The following ELF5 variants were observed in gnomAD, a reference collection of about 807,000 sequenced individuals.
ELF5 encodes ETS-related transcription factor Elf-5.
ELF5 carries 31 observed loss-of-function variants against 38.2 expected under a neutral mutation model. That is an observed-to-expected ratio of 0.81 (90% CI 0.61 to 1.10). ELF5 has a LOEUF of 1.10. ELF5 is among the 50% of genes least tolerant of loss of function. ELF5 has a pLI of 0.00. For synonymous variants in ELF5, 121 were observed against 112.5 expected (o/e 1.08, Z -0.48); for missense variants, 300 against 306.6 (o/e 0.98, Z 0.16).
intron 4 of ELF5, 119 bp downstream of exon 4, chr11:34,489,890 C>T: frequency 8.1e-7 from 1 of 1,236,592 alleles, no homozygotes; most frequent in Non-Finnish European, 1.2e-6. Flanking sequence ...ACTGCTTTCT[C>T]CAGGTCTGGG....
chr11:34,490,074 GA>G lies in ELF5; in HGVS notation c.356-16del. On this transcript the variant is annotated splice_polypyrimidine_tract_variant and intron_variant, in intron 3 of 6. Coordinates refer to ENST00000257832, the MANE Select transcript of ELF5 (RefSeq NM_001422.4). ...AAAGGAGTAACCTGGGAAAGAAAAA[GA>G]AATCCAGAAACCATACCATGCAATC... is the stretch of plus-strand genomic sequence containing the variant. 1 of 1,613,880 alleles carries G rather than the reference GA, an allele frequency of 6.2e-7. No homozygotes were observed. Among genetic ancestry groups the G allele is most frequent in the South Asian group, 1.1e-5 (1 of 91,074 alleles).
intron 1 of ELF5, among the ~76,000 whole-genome samples, chr11:34,510,063 A>G (rs1296429154): frequency 6.6e-6 from 1 of 152,160 alleles, no homozygotes; most frequent in African/African-American, 2.4e-5. Flanking sequence ...TTTTTGATCA[A>G]TAGTATTTTT....
At chr11:34,484,663 C>T (rs1849940741) in intron 4 of ELF5, among the ~76,000 whole-genome samples, 1 of 152,138 alleles carries the variant, frequency 6.6e-6, no homozygotes, top group Non-Finnish European at 1.5e-5. Context: ...TGGGTCATGT[C>T]ACCTCGCCAG....
chr11:34,503,471 T>C (rs1233245723), intron 2 of ELF5, among the ~76,000 whole-genome samples: 3 of 142,256 alleles, frequency 2.1e-5, no homozygotes, highest in Non-Finnish European at 4.6e-5. Flanking sequence ...CCAACCTTTT[T>C]TTTTTATCTC....
At chr11:34,504,032 C>T (rs1016894401) in intron 2 of ELF5, among the ~76,000 whole-genome samples, 10 of 152,218 alleles carry the variant, frequency 6.6e-5, no homozygotes, top group South Asian at 2.1e-4. Flanking sequence ...GGTTGTAGCC[C>T]GCCCCTCCCA....
intron 1 of ELF5, among the ~76,000 whole-genome samples, chr11:34,505,956 A>C (rs1317378863): frequency 6.6e-6 from 1 of 152,228 alleles, no homozygotes; most frequent in Non-Finnish European, 1.5e-5. Context: ...ATTTTAGATG[A>C]GAAAACTGAG....
At chr11:34,505,340 C>G (rs543082723) in intron 2 of ELF5, among the ~76,000 whole-genome samples, 19 of 152,312 alleles carry the variant, frequency 1.2e-4, no homozygotes, top group Non-Finnish European at 2.8e-4. Context: ...ATCATAATAA[C>G]TCCAAGAGAC....
chr11:34,510,805 A>G (rs778648353), intron 1 of ELF5, among the ~76,000 whole-genome samples: 3 of 152,146 alleles, frequency 2.0e-5, no homozygotes, highest in Non-Finnish European at 4.4e-5. Context: ...AATGACCTAA[A>G]AAGTGTCCTT....
rs151282355 is a variant in ELF5 at position 34,485,792 on chromosome 11, A to G, written c.407-3293T>C. 6.6e-5 allele frequency among the ~76,000 whole-genome samples: 10 copies of G among 152,230 alleles called. No individual in the cohort carries two copies. In the East Asian group the frequency reaches 1.9e-3, roughly 29 times the overall value. On this transcript the variant is annotated intron_variant, in intron 4 of 6. Transcript: ENST00000257832. The stretch of plus-strand genomic sequence containing the variant: ...GCAGGGGGCCAAAGTCATTACTGCA[A>G]TGTTAATACTGAGGCAGGTTCCCAA...
intron 1 of ELF5, among the ~76,000 whole-genome samples, chr11:34,508,885 C>T (rs918039669): frequency 2.0e-5 from 3 of 152,234 alleles, no homozygotes; most frequent in Non-Finnish European, 4.4e-5. Flanking sequence ...ATCTGCTTCT[C>T]TTTCTGAAAA....
At chr11:34,501,163 C>T (rs968710457) in intron 2 of ELF5, among the ~76,000 whole-genome samples, 11 of 152,190 alleles carry the variant, frequency 7.2e-5, no homozygotes, top group African/African-American at 2.7e-4. Flanking sequence ...AGCCCAGCCT[C>T]ACTGTGCTCT....
chr11:34,487,158 A>G (rs542766551), intron 4 of ELF5, among the ~76,000 whole-genome samples: 5 of 150,576 alleles, frequency 3.3e-5, no homozygotes, highest in Non-Finnish European at 7.4e-5. Flanking sequence ...GATGGTCCTC[A>G]GGGGTCTCGG....
intron 5 of ELF5, 93 bp downstream of exon 5, chr11:34,482,337 TC>T: frequency 8.2e-7 from 1 of 1,212,740 alleles, no homozygotes; most frequent in Non-Finnish European, 1.2e-6. Flanking sequence ...CTGGTCCAAC[TC>T]AAACATTTAG....
chr11:34,512,136 A>G (rs907810265), intron 1 of ELF5, among the ~76,000 whole-genome samples: 1 of 152,148 alleles, frequency 6.6e-6, no homozygotes, highest in Admixed American at 6.5e-5. Context: ...CTCCCTAAGA[A>G]GGGGCCCACT....
intron 1 of ELF5, among the ~76,000 whole-genome samples, chr11:34,507,812 C>T (rs1312836807): frequency 1.3e-5 from 2 of 152,206 alleles, no homozygotes; most frequent in Non-Finnish European, 2.9e-5. Flanking sequence ...CTCAAGATCA[C>T]ACCACTGGTA....
At chr11:34,497,668 A>G (rs957613917) in intron 2 of ELF5, among the ~76,000 whole-genome samples, 1 of 152,188 alleles carries the variant, frequency 6.6e-6, no homozygotes, top group African/African-American at 2.4e-5. Flanking sequence ...AAAGTGCACA[A>G]TGGCTACCCG....
chr11:34,499,035 G>A (rs1039026535), intron 2 of ELF5, among the ~76,000 whole-genome samples: 4 of 151,806 alleles, frequency 2.6e-5, no homozygotes, highest in African/African-American at 9.7e-5. Context: ...AGGTTGCAGT[G>A]AGCCGAGGTG....
At chr11:34,487,992 T>A (rs1850050544) in intron 4 of ELF5, among the ~76,000 whole-genome samples, 1 of 152,088 alleles carries the variant, frequency 6.6e-6, no homozygotes, top group African/African-American at 2.4e-5. Flanking sequence ...CATTCGCTGC[T>A]TGGAACCTTT....
chr11:34,480,829 C>A lies in ELF5; in HGVS notation c.614G>T (p.Trp205Leu). 1 of 1,614,086 alleles carries A rather than the reference C, an allele frequency of 6.2e-7. No homozygotes were observed. The highest frequency in any genetic ancestry group is 1.1e-5 in the South Asian group (1 of 91,074). The change falls in exon 6 of 7, where the codon TGG becomes TTG. Residue 205 changes from tryptophan (W) to leucine (L), a missense_variant. Trp to Leu is a moderately conservative substitution (Grantham distance 61). Coordinates refer to ENST00000257832, the MANE Select transcript of ELF5 (RefSeq NM_001422.4). ...TCTGTCATTTTTCTTCCTTTGTCCC[C>A]ACATCTTTGCCAGGGCTTCCGATTT... Reference protein sequence around the residue: ...VVKSEALAKMWGQRKKNDRMT... With the variant: ...VVKSEALAKMLGQRKKNDRMT...
Sources: allele counts gnomAD v4.1 joint callset (sites outside exome capture counted in the v4.1 genomes callset), GRCh38; gene constraint gnomAD v4.1.1; transcripts MANE v1.5; gene names NCBI Gene and HGNC (gene_info 2026-07-23, HGNC 2026-07-21).